Variants in NFIB observed in about 807,000 individuals in gnomAD.
NFIB encodes the protein nuclear factor I B.
A neutral mutation model predicts 61.5 loss-of-function variants in NFIB; 11 were observed. The observed-to-expected ratio is 0.18, with a 90% confidence interval of 0.11 to 0.30. The LOEUF (loss-of-function observed/expected upper bound fraction) is 0.30. Ranked by LOEUF, NFIB falls within the 10% of genes least tolerant of loss-of-function variation. The pLI is 1.00. For missense variants in NFIB, 471 were observed against 608.9 expected (o/e 0.77, Z 2.38); for synonymous variants, 260 against 216.5 (o/e 1.20, Z -1.76).
At chr9:14,164,435 G>T (rs1472462803) in intron 3 of NFIB, among the ~76,000 whole-genome samples, 1 of 152,032 alleles carries the variant, frequency 6.6e-6, no homozygotes, top group African/African-American at 2.4e-5. Flanking sequence ...TACCGTAGGG[G>T]ATTTTAAGAC....
At chr9:14,522,766 T>A in the NFIB span, among the ~76,000 whole-genome samples, 1 of 152,218 alleles carries the variant, frequency 6.6e-6, no homozygotes, top group African/African-American at 2.4e-5. Flanking sequence ...TCCTTCCGCA[T>A]AATTTTCATC....
chr9:14,249,717 T>G, intron 2 of NFIB, among the ~76,000 whole-genome samples: 1 of 145,790 alleles, frequency 6.9e-6, no homozygotes. Flanking sequence ...GGAAGGAGAG[T>G]AAAGGGAAAA....
the NFIB span, among the ~76,000 whole-genome samples, chr9:14,515,955 G>A: frequency 9.8e-5 from 15 of 152,362 alleles, no homozygotes; most frequent in Non-Finnish European, 1.8e-4. Context: ...GGCTGTGACT[G>A]CTAATGGCTG....
At chr9:14,523,116 G>A in the NFIB span, among the ~76,000 whole-genome samples, 1 of 152,072 alleles carries the variant, frequency 6.6e-6, no homozygotes, top group Admixed American at 6.6e-5. Flanking sequence ...GGCCTCCAGA[G>A]TACTCTCTCA....
intron 1 of NFIB, among the ~76,000 whole-genome samples, chr9:14,383,090 T>C (rs979962575): frequency 2.0e-5 from 3 of 148,012 alleles, no homozygotes; most frequent in African/African-American, 7.4e-5. Context: ...TGACAAAAAA[T>C]TGAAAATGAA....
chr9:14,252,041 T>A (rs1170546328), intron 2 of NFIB, among the ~76,000 whole-genome samples: 7 of 152,226 alleles, frequency 4.6e-5, no homozygotes, highest in African/African-American at 1.7e-4. Context: ...TGCTACAGGA[T>A]TTGCAAGGGT....
At chr9:14,460,450 T>C in the NFIB span, among the ~76,000 whole-genome samples, 19 of 151,914 alleles carry the variant, frequency 1.3e-4, no homozygotes, top group Admixed American at 7.2e-4. Context: ...CACACCAACA[T>C]GGCACATGTA....
the NFIB span, among the ~76,000 whole-genome samples, chr9:14,443,036 GC>G: frequency 3.6e-5 from 2 of 56,030 alleles, no homozygotes; most frequent in African/African-American, 8.2e-5. Flanking sequence ...CCCCCCACCC[GC>G]CCCCCCGCCA....
the NFIB span, among the ~76,000 whole-genome samples, chr9:14,492,179 C>G: frequency 6.6e-6 from 1 of 152,066 alleles, no homozygotes; most frequent in East Asian, 1.9e-4. Context: ...CTGGATAACA[C>G]AGTGAAACCC....
intron 2 of NFIB, among the ~76,000 whole-genome samples, chr9:14,230,723 AAAG>A (rs2053023492): frequency 1.3e-5 from 2 of 152,190 alleles, no homozygotes; most frequent in African/African-American, 4.8e-5. Flanking sequence ...TGACAAATTT[AAAG>A]AGGAAGCAGG....
chr9:14,229,081 G>A (rs1256889303), intron 2 of NFIB, among the ~76,000 whole-genome samples: 1 of 149,462 alleles, frequency 6.7e-6, no homozygotes, highest in Non-Finnish European at 1.5e-5. Flanking sequence ...TATGAGAAAA[G>A]AAGTGCCCTA....
At chr9:14,472,170 A>G in the NFIB span, among the ~76,000 whole-genome samples, 773 of 152,350 alleles carry the variant, frequency 5.1e-3, 10 homozygotes, top group Non-Finnish European at 7.1e-3. Context: ...CCCTTGCAAT[A>G]TAATTTTAAC....
At chr9:14,209,809 T>A (rs959940637) in intron 2 of NFIB, among the ~76,000 whole-genome samples, 2 of 152,166 alleles carry the variant, frequency 1.3e-5, no homozygotes, top group African/African-American at 2.4e-5. Flanking sequence ...TCACACTGCC[T>A]CTGGGTAAAC....
intron 10 of NFIB, among the ~76,000 whole-genome samples, chr9:14,089,933 G>A (rs1257832680): frequency 2.0e-5 from 3 of 151,936 alleles, no homozygotes; most frequent in East Asian, 1.9e-4. Context: ...ATATCACAAC[G>A]ACCATTTGTG....
chr9:14,143,624 A>G (rs1221611548), intron 6 of NFIB, among the ~76,000 whole-genome samples: 2 of 152,206 alleles, frequency 1.3e-5, no homozygotes, highest in African/African-American at 2.4e-5. Context: ...TTAATTAACC[A>G]ATAAATAGTT....
At chr9:14,531,883 C>G in the NFIB span, 1 of 151,764 alleles carries the variant, frequency 6.6e-6, no homozygotes, top group Non-Finnish European at 1.5e-5. Flanking sequence ...AGGAGGAGCT[C>G]GAAAGGAAGA....
At chr9:14,174,764 C>T (rs1441984437) in intron 3 of NFIB, among the ~76,000 whole-genome samples, 1 of 125,240 alleles carries the variant, frequency 8.0e-6, no homozygotes, top group East Asian at 2.3e-4. Flanking sequence ...GAGACTCCAT[C>T]TCAAAAAAAA....
At chr9:14,373,145 G>A (rs2061378290) in intron 1 of NFIB, among the ~76,000 whole-genome samples, 1 of 152,150 alleles carries the variant, frequency 6.6e-6, no homozygotes, top group African/African-American at 2.4e-5. Context: ...GGGAATGCTT[G>A]GAACACCAAA....
chr9:14,495,990 T>TA, the NFIB span, among the ~76,000 whole-genome samples: 1 of 152,192 alleles, frequency 6.6e-6, no homozygotes. Context: ...TCTTCACCTG[T>TA]AAAATGGGAA....
Sources: gnomAD v4.1 joint callset for allele counts (sites outside exome capture counted in the v4.1 genomes callset) on GRCh38, gnomAD v4.1.1 for gene constraint, MANE v1.5 for transcripts, NCBI Gene and HGNC (gene_info 2026-07-23, HGNC 2026-07-21) for gene names.